RORB: variants seen among roughly 807,000 people sequenced by gnomAD.
RORB encodes the protein RAR related orphan receptor B, also known as nuclear receptor ROR-beta.
In RORB, 6 loss-of-function variants were observed where a neutral mutation model predicts 59.1. The observed-to-expected ratio is 0.10, with a 90% CI of 0.06 to 0.20. The LOEUF is 0.20. Among genes scored for constraint, RORB ranks in the 10% least tolerant of loss-of-function variants. The pLI, the probability that RORB is intolerant of heterozygous loss-of-function variation, is 1.00. For synonymous variants in RORB, 215 were observed against 204.5 expected (o/e 1.05, Z -0.44); for missense variants, 320 against 560.5 (o/e 0.57, Z 4.33).
intron 1 of RORB, among the ~76,000 whole-genome samples, chr9:74,577,050 AC>A: frequency 6.6e-6 from 1 of 152,254 alleles, no homozygotes; most frequent in South Asian, 2.1e-4. Flanking sequence ...TATGTAGGTT[AC>A]AAGAAAGACT....
chr9:74,586,290 G>C (rs1236719623), intron 1 of RORB, among the ~76,000 whole-genome samples: 2 of 152,040 alleles, frequency 1.3e-5, no homozygotes, highest in Non-Finnish European at 2.9e-5. Context: ...TTGAGTCCAG[G>C]AGTTCAAGAC....
chr9:74,658,459 C>T (rs983068233), intron 4 of RORB, among the ~76,000 whole-genome samples: 1 of 152,136 alleles, frequency 6.6e-6, no homozygotes, highest in Non-Finnish European at 1.5e-5. Flanking sequence ...GCCAGAGAAT[C>T]CTTAAGCTTT....
At chr9:74,638,145 A>G (rs114616086) in intron 3 of RORB, among the ~76,000 whole-genome samples, 225 of 152,328 alleles carry the variant, frequency 1.5e-3, no homozygotes, top group African/African-American at 5.3e-3. Context: ...GAACTTTACA[A>G]CCGAAGGTAG....
chr9:74,629,722 T>G (rs1254879301), intron 1 of RORB, among the ~76,000 whole-genome samples: 1 of 152,200 alleles, frequency 6.6e-6, no homozygotes, highest in East Asian at 1.9e-4. Context: ...TCAATATCCT[T>G]TATTATTTTA....
At chr9:74,650,653 T>G (rs1405956223) in intron 4 of RORB, among the ~76,000 whole-genome samples, 2 of 152,182 alleles carry the variant, frequency 1.3e-5, no homozygotes, top group Non-Finnish European at 2.9e-5. Context: ...AATTTGCTAT[T>G]TAAATTTGAG....
At chr9:74,503,860 C>A (rs1031727004) in intron 1 of RORB, among the ~76,000 whole-genome samples, 1 of 151,950 alleles carries the variant, frequency 6.6e-6, no homozygotes, top group Non-Finnish European at 1.5e-5. Context: ...TCTTTCATAG[C>A]GCATATGCTG....
chr9:74,548,562 T>A (rs1826539739), intron 1 of RORB, among the ~76,000 whole-genome samples: 1 of 152,228 alleles, frequency 6.6e-6, no homozygotes, highest in Non-Finnish European at 1.5e-5. Context: ...AATAAGTGGA[T>A]TTACAGCATA....
intron 1 of RORB, among the ~76,000 whole-genome samples, chr9:74,553,057 T>A (rs903667325): frequency 3.3e-5 from 5 of 152,092 alleles, no homozygotes; most frequent in Non-Finnish European, 7.3e-5. Flanking sequence ...TTAGGGTGGA[T>A]GCGTTCGGAG....
chr9:74,680,376 A>G (rs997989442), intron 9 of RORB, among the ~76,000 whole-genome samples: 4 of 152,150 alleles, frequency 2.6e-5, no homozygotes, highest in African/African-American at 7.2e-5. Context: ...TCCCTGGTCC[A>G]CATGATGAAA....
At chr9:74,649,172 AC>A (rs1342435985) in intron 4 of RORB, among the ~76,000 whole-genome samples, 1 of 150,942 alleles carries the variant, frequency 6.6e-6, no homozygotes, top group African/African-American at 2.4e-5. Context: ...CTGGTCTTGA[AC>A]TCCTGACCTC....
intron 1 of RORB, among the ~76,000 whole-genome samples, chr9:74,563,907 C>T (rs980019255): frequency 1.3e-5 from 2 of 152,154 alleles, no homozygotes; most frequent in Non-Finnish European, 2.9e-5. Flanking sequence ...AGCCAGAAGG[C>T]AGGAAAGACC....
chr9:74,660,521 G>A, intron 4 of RORB, 96 bp from the exon 5 acceptor site: 1 of 1,088,994 alleles, frequency 9.2e-7, no homozygotes, highest in South Asian at 1.8e-5. Flanking sequence ...TACAATAGGA[G>A]TATCTCCAAA....
intron 1 of RORB, among the ~76,000 whole-genome samples, chr9:74,585,283 A>G (rs1822781388): frequency 6.6e-6 from 1 of 152,148 alleles, no homozygotes; most frequent in Admixed American, 6.5e-5. Flanking sequence ...TTTTATTCCA[A>G]ATTTTGGGAA....
At chr9:74,590,766 G>C (rs907542193) in intron 1 of RORB, among the ~76,000 whole-genome samples, 2 of 151,668 alleles carry the variant, frequency 1.3e-5, no homozygotes, top group African/African-American at 4.9e-5. Flanking sequence ...TTCCTAATCT[G>C]TTTTTTTGTT....
rs991921197 is a variant in RORB at position 74,692,472 on chromosome 9, C to T, written c.*6854C>T. 9.9e-5 allele frequency: 15 copies of T among 152,166 alleles called. No individual in the cohort carries two copies. Among genetic ancestry groups the T allele is most frequent in the South Asian group, 4.1e-4 (2 of 4,832 alleles). The allele number at this position is 152,166 out of a possible 1,614,324, so 9.4% of individuals were successfully genotyped here. ...ATGTTTTTACCTTAGCTCCAGCCTA[C>T]GCTTGTAAAGTGAAGAGTGATTCTA... On this transcript the variant is annotated 3_prime_UTR_variant, in exon 10 of 10. Coordinates refer to ENST00000376896, the MANE Select transcript of RORB (RefSeq NM_006914.4).
intron 1 of RORB, among the ~76,000 whole-genome samples, chr9:74,605,856 T>C (rs1278140737): frequency 6.6e-6 from 1 of 152,144 alleles, no homozygotes; most frequent in Non-Finnish European, 1.5e-5. Flanking sequence ...AGAATCAGGC[T>C]GGAGAGCGTT....
chr9:74,583,643 A>T (rs1301775832), intron 1 of RORB, among the ~76,000 whole-genome samples: 3 of 152,096 alleles, frequency 2.0e-5, no homozygotes, highest in Non-Finnish European at 4.4e-5. Flanking sequence ...ATGTTCTGTC[A>T]GTTGTAGAAG....
At chr9:74,502,514 A>G (rs973205532) in intron 1 of RORB, among the ~76,000 whole-genome samples, 2 of 152,108 alleles carry the variant, frequency 1.3e-5, no homozygotes, top group African/African-American at 2.4e-5. Flanking sequence ...CTAAGATATA[A>G]AAGTATAAAT....
intron 8 of RORB, among the ~76,000 whole-genome samples, chr9:74,669,901 G>A (rs1181257589): frequency 6.6e-6 from 1 of 152,032 alleles, no homozygotes; most frequent in African/African-American, 2.4e-5. Context: ...TTTTATGTTA[G>A]GCTTTATTAT....
Sources: allele counts gnomAD v4.1 joint callset (sites outside exome capture counted in the v4.1 genomes callset), GRCh38; gene constraint gnomAD v4.1.1; transcripts MANE v1.5; gene names NCBI Gene and HGNC (gene_info 2026-07-23, HGNC 2026-07-21).